The following ZFR2 variants were observed in gnomAD, a reference collection of about 807,000 sequenced individuals.
ZFR2 encodes the protein zinc finger RNA binding protein 2.
ZFR2 carries 104 observed loss-of-function variants against 105.7 expected under a neutral mutation model. The ratio of observed to expected loss-of-function variants is 0.98; its 90% CI spans 0.84 to 1.16. ZFR2 has a LOEUF of 1.16. Among genes scored for constraint, ZFR2 ranks in the 50% most tolerant of loss-of-function variants. The pLI is 0.00. For missense variants in ZFR2, 1,425 were observed against 1,355.5 expected (o/e 1.05, Z -0.80); for synonymous variants, 634 against 597.7 (o/e 1.06, Z -0.89).
At chr19:3,833,445 A>G (rs2038041604) in intron 3 of ZFR2, 2 of 397,364 alleles carry the variant, frequency 5.0e-6, no homozygotes, top group South Asian at 3.5e-5. Context: ...GCGTGGTTGC[A>G]GGCACTTGTA....
At chr19:3,867,423 A>G (rs979638508) in intron 1 of ZFR2, among the ~76,000 whole-genome samples, 24 of 152,052 alleles carry the variant, frequency 1.6e-4, no homozygotes, top group Admixed American at 1.4e-3. Context: ...CAGGCCTGGG[A>G]GAACAGTGTA....
At chr19:3,852,417 C>A in intron 1 of ZFR2, 1 of 712,664 alleles carries the variant, frequency 1.4e-6, no homozygotes, top group Admixed American at 2.0e-5. Context: ...GACTCTTCTC[C>A]TTATATCTCC....
intron 14 of ZFR2, among the ~76,000 whole-genome samples, chr19:3,812,314 A>G: frequency 6.6e-6 from 1 of 152,086 alleles, no homozygotes; most frequent in East Asian, 1.9e-4. Flanking sequence ...TTCTGGGCTC[A>G]AGCAATCCTC....
intron 1 of ZFR2, among the ~76,000 whole-genome samples, chr19:3,854,129 G>T (rs570278261): frequency 6.7e-6 from 1 of 148,486 alleles, no homozygotes; most frequent in African/African-American, 2.5e-5. Flanking sequence ...AGTGGCCTAC[G>T]CCTGTAATCC....
At chr19:3,821,314 C>T in intron 10 of ZFR2, 26 bp downstream of exon 10, 1 of 1,552,806 alleles carries the variant, frequency 6.4e-7, no homozygotes. Flanking sequence ...CACCAGGCCC[C>T]CTTGCCAAGA....
chr19:3,812,973 C>T (rs772342426), intron 14 of ZFR2, among the ~76,000 whole-genome samples: 11 of 151,988 alleles, frequency 7.2e-5, no homozygotes, highest in Admixed American at 2.0e-4. Context: ...CCCAGCTACT[C>T]GGAGGCTGAG....
intron 13 of ZFR2, 148 bp from the exon 14 acceptor site, chr19:3,814,106 G>A: frequency 1.6e-6 from 2 of 1,223,200 alleles, no homozygotes; most frequent in East Asian, 2.5e-5. Context: ...CCCTGTGTCT[G>A]GAACCTCCAA....
rs565448322 is a variant in ZFR2 at position 3,823,473 on chromosome 19, C to T, written c.1214-70G>A. ...GCACTGCAGCTGCAGACCCGCCAGG[C>T]GGCATGGGGTGGAGAGCCACCCAGA... On this transcript the variant is annotated intron_variant, in intron 7 of 18. Coordinates refer to ENST00000262961, the MANE Select transcript of ZFR2 (RefSeq NM_015174.2). This position sits in a 1 kb window ranked among gnomAD's most constrained non-coding sequence, Gnocchi z 5.4. The T allele has an allele frequency of 1.4e-5, 21 of 1,491,034 alleles. No homozygotes were observed. In the South Asian group the frequency reaches 1.6e-4, roughly 11 times the overall value. The allele number at this position is 1,491,034 out of a possible 1,614,324, so 92.4% of individuals were successfully genotyped here. A position where few individuals can be genotyped will look rare whatever the true frequency, so the allele number is the denominator to read the frequency against.
intron 1 of ZFR2, among the ~76,000 whole-genome samples, chr19:3,844,117 G>A (rs2038164975): frequency 1.3e-5 from 2 of 152,030 alleles, no homozygotes; most frequent in African/African-American, 2.4e-5. Flanking sequence ...ATGGATGGTG[G>A]TGACGGCTCC....
chr19:3,818,302 T>C (rs946470274), intron 12 of ZFR2, among the ~76,000 whole-genome samples: 4 of 151,964 alleles, frequency 2.6e-5, no homozygotes, highest in African/African-American at 9.7e-5. Context: ...CTCTCCCTGC[T>C]ACAAAGAGTT....
rs545496859 is a variant in ZFR2 at position 3,819,046 on chromosome 19, T to C, written c.1930A>G (p.Ser644Gly). 1 of 1,611,976 alleles carries C rather than the reference T, an allele frequency of 6.2e-7. No homozygotes were observed. The highest frequency in any genetic ancestry group is 1.1e-5 in the South Asian group (1 of 90,912). ...CTGGGGAAGGGGATCTCCAATGACC[T>C]GCGCTTGTCACCCTCTTCCTCTCGG... ...GRREEEGDKR[S>G]SVAPQTRVLK... Residue 644 changes from serine (S) to glycine (G), a missense_variant and splice_region_variant, in exon 12 of 19, where the codon AGC (serine) becomes GGC (glycine). Coordinates refer to ENST00000262961, the MANE Select transcript of ZFR2 (RefSeq NM_015174.2).
At chr19:3,843,781 G>A (rs2038157605) in intron 1 of ZFR2, among the ~76,000 whole-genome samples, 1 of 150,722 alleles carries the variant, frequency 6.6e-6, no homozygotes, top group African/African-American at 2.4e-5. Context: ...CTTGCAGTGA[G>A]CAGAGATCAC....
At chr19:3,862,797 A>G (rs952471657) in intron 1 of ZFR2, among the ~76,000 whole-genome samples, 1 of 152,216 alleles carries the variant, frequency 6.6e-6, no homozygotes, top group African/African-American at 2.4e-5. Context: ...TTCAGCCCCT[A>G]ACACGTATTT....
At chr19:3,810,716 C>G in intron 16 of ZFR2, 34 bp downstream of exon 16, 1 of 1,536,652 alleles carries the variant, frequency 6.5e-7, no homozygotes, top group South Asian at 1.2e-5. Context: ...TTGGGGGTCC[C>G]AGTGGAGGGC....
At chr19:3,816,959 G>GGC in intron 12 of ZFR2, 114 bp from the exon 13 acceptor site, 1 of 975,316 alleles carries the variant, frequency 1.0e-6, no homozygotes, top group South Asian at 1.7e-5. Context: ...TCTGTGCCTC[G>GGC]GCATCCTCAT....
intron 1 of ZFR2, among the ~76,000 whole-genome samples, chr19:3,861,615 G>A (rs1367906684): frequency 6.6e-6 from 1 of 151,410 alleles, no homozygotes; most frequent in Non-Finnish European, 1.5e-5. Context: ...GACAGAGTGA[G>A]ACCCTATCTC....
In ZFR2 at chr19:3,823,302, C is replaced by T; in HGVS notation, c.1315G>A (p.Glu439Lys). The change falls in exon 8 of 19, where the codon GAA becomes AAA. Residue 439 changes from glutamate to lysine, a missense_variant. By Grantham distance (56) the Glu-to-Lys change is moderately conservative. Coordinates refer to ENST00000262961, the MANE Select transcript of ZFR2 (RefSeq NM_015174.2). This position sits in a 1 kb window ranked among gnomAD's most constrained non-coding sequence, Gnocchi z 5.4. ...PGAPTQGGSK[E>K]APAGCSDAQP... ...GCATCAGAGCAGCCCGCGGGAGCTT[C>T]CTTTGAGCCTCCTTGGGTAGGTGCT... 1 of 1,614,038 alleles carries T rather than the reference C, an allele frequency of 6.2e-7. No individual in the cohort carries two copies. The highest frequency in any genetic ancestry group is 8.5e-7 in the Non-Finnish European group (1 of 1,179,902).
intron 1 of ZFR2, among the ~76,000 whole-genome samples, chr19:3,847,576 C>A (rs1435877432): frequency 6.6e-6 from 1 of 152,110 alleles, no homozygotes; most frequent in East Asian, 1.9e-4. Context: ...AAAAAAGAAT[C>A]ATATAGCATA....
intron 1 of ZFR2, among the ~76,000 whole-genome samples, chr19:3,842,852 T>C (rs1363827044): frequency 6.6e-6 from 1 of 152,128 alleles, no homozygotes; most frequent in Non-Finnish European, 1.5e-5. Flanking sequence ...CTCGAACTCC[T>C]GACTGCAGGT....
Sources: allele counts gnomAD v4.1 joint callset (sites outside exome capture counted in the v4.1 genomes callset), GRCh38; gene constraint gnomAD v4.1.1; non-coding constraint Gnocchi (gnomAD v3.1); transcripts MANE v1.5; gene names NCBI Gene and HGNC (gene_info 2026-07-23, HGNC 2026-07-21).